The following CDH13 variants were observed in gnomAD, a reference collection of about 807,000 sequenced individuals.
The protein encoded by CDH13 is cadherin 13.
CDH13 carries 24 observed loss-of-function variants against 63.8 expected under a neutral mutation model. The observed-to-expected ratio is 0.38, with a 90% CI of 0.27 to 0.53. CDH13 has a LOEUF of 0.53. CDH13 is among the 20% of genes least tolerant of loss of function. CDH13 has a pLI of 0.85. For synonymous variants in CDH13, 503 were observed against 355.3 expected (o/e 1.42, Z -4.67); for missense variants, 1,049 against 903.1 (o/e 1.16, Z -2.07).
chr16:83,361,099 G>C (rs914121000), intron 6 of CDH13, among the ~76,000 whole-genome samples: 1 of 152,136 alleles, frequency 6.6e-6, no homozygotes, highest in Non-Finnish European at 1.5e-5. Flanking sequence ...ATCAGCATCT[G>C]TTGCTTTTTG....
chr16:83,650,302 A>C (rs1349568072), intron 8 of CDH13, among the ~76,000 whole-genome samples: 2 of 152,194 alleles, frequency 1.3e-5, no homozygotes, highest in African/African-American at 2.4e-5. Flanking sequence ...CTACATCAAT[A>C]ATTTTCATAA....
intron 3 of CDH13, among the ~76,000 whole-genome samples, chr16:83,043,774 G>C (rs1164154194): frequency 6.6e-6 from 1 of 151,228 alleles, no homozygotes; most frequent in Non-Finnish European, 1.5e-5. Context: ...CAGGGGAACT[G>C]CTAGGTCATG....
chr16:83,249,283 C>T (rs541699665), intron 5 of CDH13, among the ~76,000 whole-genome samples: 4 of 152,158 alleles, frequency 2.6e-5, no homozygotes, highest in African/African-American at 7.2e-5. Flanking sequence ...TTTCGTGAGA[C>T]CGTTGTTAAT....
chr16:83,281,314 C>G (rs1248593371), intron 5 of CDH13, among the ~76,000 whole-genome samples: 1 of 152,136 alleles, frequency 6.6e-6, no homozygotes, highest in Admixed American at 6.5e-5. Context: ...TAGGTTCAGA[C>G]TTTTCTTCTG....
chr16:83,448,213 A>T (rs12448382), intron 6 of CDH13, among the ~76,000 whole-genome samples: 1 of 151,868 alleles, frequency 6.6e-6, no homozygotes, highest in African/African-American at 2.4e-5. Context: ...TCTGGAGTGG[A>T]GCAGGAAATG....
At chr16:82,871,004 T>A (rs1280797495) in intron 2 of CDH13, among the ~76,000 whole-genome samples, 2 of 152,220 alleles carry the variant, frequency 1.3e-5, no homozygotes, top group Non-Finnish European at 2.9e-5. Context: ...AGGAAGTCAC[T>A]ATTACTCCTA....
intron 1 of CDH13, among the ~76,000 whole-genome samples, chr16:82,744,561 C>G (rs1387991777): frequency 6.6e-6 from 1 of 151,996 alleles, no homozygotes; most frequent in Non-Finnish European, 1.5e-5. Flanking sequence ...ATACCAGGTC[C>G]CTTTCCCCTC....
intron 4 of CDH13, among the ~76,000 whole-genome samples, chr16:83,152,730 C>T (rs13331033): frequency 0.015 from 2,292 of 152,260 alleles, 68 homozygotes; most frequent in African/African-American, 0.052. Context: ...TCCCCCAAAA[C>T]CCATGTGTTG....
intron 6 of CDH13, among the ~76,000 whole-genome samples, chr16:83,353,506 T>C (rs1209746360): frequency 1.3e-5 from 2 of 152,272 alleles, no homozygotes; most frequent in Non-Finnish European, 2.9e-5. Flanking sequence ...TGAACCCCTT[T>C]ATTCTGGTAG....
chr16:83,643,803 A>T (rs191386004), intron 8 of CDH13, among the ~76,000 whole-genome samples: 1 of 152,158 alleles, frequency 6.6e-6, no homozygotes, highest in Non-Finnish European at 1.5e-5. Context: ...ACTTACGTTA[A>T]TCATAATGTC....
chr16:83,704,370 A>C (rs13380526), intron 10 of CDH13, among the ~76,000 whole-genome samples: 27,828 of 152,086 alleles, frequency 0.18, 3,020 homozygotes, highest in African/African-American at 0.31. Flanking sequence ...GAACACCGAG[A>C]TGGTTCTCCA....
chr16:82,787,682 C>T (rs2036083874), intron 1 of CDH13, among the ~76,000 whole-genome samples: 1 of 152,318 alleles, frequency 6.6e-6, no homozygotes, highest in South Asian at 2.1e-4. Context: ...TGGGCTTTCA[C>T]AGGGTTTCAC....
At chr16:83,138,484 G>C (rs560597863) in intron 4 of CDH13, among the ~76,000 whole-genome samples, 2 of 152,336 alleles carry the variant, frequency 1.3e-5, no homozygotes, top group South Asian at 4.1e-4. Flanking sequence ...TCTCCAGGCA[G>C]TGGGAAGAAC....
chr16:82,891,286 T>G (rs1446754431), intron 2 of CDH13, among the ~76,000 whole-genome samples: 1 of 152,100 alleles, frequency 6.6e-6, no homozygotes, highest in Non-Finnish European at 1.5e-5. Flanking sequence ...AGAGGTCCTC[T>G]AAGAAAGAAG....
chr16:82,716,583 T>A (rs2032386643), intron 1 of CDH13, among the ~76,000 whole-genome samples: 1 of 148,122 alleles, frequency 6.8e-6, no homozygotes, highest in Non-Finnish European at 1.5e-5. Context: ...GAGGGACATA[T>A]AAAGACTTCA....
At chr16:83,344,234 GT>G (rs953593078) in intron 5 of CDH13, among the ~76,000 whole-genome samples, 2 of 152,118 alleles carry the variant, frequency 1.3e-5, no homozygotes, top group African/African-American at 2.4e-5. Context: ...CAAAAAAGTT[GT>G]TTTTTTATGC....
chr16:83,245,197 G>A (rs530362587), intron 5 of CDH13, among the ~76,000 whole-genome samples: 1 of 151,810 alleles, frequency 6.6e-6, no homozygotes, highest in African/African-American at 2.4e-5. Context: ...TTTACCTCTG[G>A]ACTCTAAATT....
chr16:82,733,792 A>G (rs1176432750), intron 1 of CDH13, among the ~76,000 whole-genome samples: 3 of 152,252 alleles, frequency 2.0e-5, no homozygotes, highest in African/African-American at 7.2e-5. Context: ...GAAACACACT[A>G]CTTAACACAA....
chr16:83,495,439 C>G (rs1429614335), intron 7 of CDH13, among the ~76,000 whole-genome samples: 1 of 152,108 alleles, frequency 6.6e-6, no homozygotes, highest in African/African-American at 2.4e-5. Flanking sequence ...GACGAAGCCT[C>G]CAGGTAGCAG....
Sources: allele counts gnomAD v4.1 joint callset (sites outside exome capture counted in the v4.1 genomes callset), GRCh38; gene constraint gnomAD v4.1.1; transcripts MANE v1.5; gene names NCBI Gene and HGNC (gene_info 2026-07-23, HGNC 2026-07-21).